CBFA2T2: variants seen among roughly 807,000 people sequenced by gnomAD.
CBFA2T2 encodes protein CBFA2T2.
A neutral mutation model predicts 62.2 loss-of-function variants in CBFA2T2; 11 were observed. That is an observed-to-expected ratio of 0.18 (90% CI 0.11 to 0.29). The LOEUF (loss-of-function observed/expected upper bound fraction) is 0.29, where lower values mean the gene tolerates loss of function less well. CBFA2T2 is among the 10% of genes least tolerant of loss of function. CBFA2T2 has a pLI of 1.00. For synonymous variants in CBFA2T2, 295 were observed against 287.5 expected (o/e 1.03, Z -0.27); for missense variants, 592 against 774.1 (o/e 0.76, Z 2.79).
At chr20:33,494,262 TATA>T (rs2011173733) in intron 1 of CBFA2T2, among the ~76,000 whole-genome samples, 6 of 77,908 alleles carry the variant, frequency 7.7e-5, no homozygotes, top group African/African-American at 2.8e-4. Context: ...TATATATATA[TATA>T]TATATATATT....
At chr20:33,543,170 T>G (rs899924108) in intron 1 of CBFA2T2, among the ~76,000 whole-genome samples, 3 of 152,170 alleles carry the variant, frequency 2.0e-5, no homozygotes, top group Admixed American at 1.3e-4. Flanking sequence ...CATGCCACCA[T>G]GCCCGGCTAA....
intron 1 of CBFA2T2, among the ~76,000 whole-genome samples, chr20:33,518,243 T>A (rs1468581878): frequency 6.6e-6 from 1 of 152,138 alleles, no homozygotes; most frequent in African/African-American, 2.4e-5. Context: ...CACTGCATCC[T>A]GCCTACATTT....
chr20:33,586,793 T>C (rs2014389416), intron 1 of CBFA2T2, among the ~76,000 whole-genome samples: 1 of 152,176 alleles, frequency 6.6e-6, no homozygotes, highest in South Asian at 2.1e-4. Context: ...TCTCTTTTCC[T>C]TGAAGGTTCA....
chr20:33,630,795 T>C (rs1008119682), intron 8 of CBFA2T2, among the ~76,000 whole-genome samples: 2 of 152,168 alleles, frequency 1.3e-5, no homozygotes, highest in African/African-American at 2.4e-5. Flanking sequence ...TATGTTCCAT[T>C]GAAGGCAGCT....
At position 33,648,880 on chromosome 20, in the gene CBFA2T2, G is replaced by A. The variant is rs2017145254; in HGVS notation, c.*4234G>A. 2 of 152,164 alleles carry A rather than the reference G, an allele frequency of 1.3e-5. No homozygotes were observed. Among genetic ancestry groups the A allele is most frequent in the East Asian group, 1.9e-4 (1 of 5,166 alleles). The allele number at this position is 152,164 out of a possible 1,614,324, so 9.4% of individuals were successfully genotyped here. ...TTTGTACAGCCCTGTCCCAGAGTTA[G>A]TAAGCCTCGGCTTGTCACCTGCTTG... is the stretch of plus-strand genomic sequence containing the variant. On this transcript the variant is annotated 3_prime_UTR_variant, in exon 11 of 11. Coordinates refer to ENST00000342704, the MANE Select transcript of CBFA2T2 (RefSeq NM_001032999.3).
chr20:33,544,945 C>CAGAACAGAATAGAAT (rs1215816057), intron 1 of CBFA2T2, among the ~76,000 whole-genome samples: 76 of 130,978 alleles, frequency 5.8e-4, no homozygotes, highest in African/African-American at 2.2e-3. Context: ...TAGAATAGAA[C>CAGAACAGAATAGAAT]AGAATAGAAT....
At chr20:33,519,253 T>C (rs1296833302) in intron 1 of CBFA2T2, among the ~76,000 whole-genome samples, 10 of 152,124 alleles carry the variant, frequency 6.6e-5, no homozygotes, top group African/African-American at 2.4e-4. Flanking sequence ...GCAGATCACC[T>C]GAGATCAGGA....
intron 1 of CBFA2T2, among the ~76,000 whole-genome samples, chr20:33,501,061 C>T (rs1188123613): frequency 1.3e-5 from 2 of 152,050 alleles, no homozygotes; most frequent in African/African-American, 4.8e-5. Flanking sequence ...TTGATTTTAC[C>T]CTTCTATTTT....
chr20:33,564,881 AAGG>A (rs2013238977), intron 1 of CBFA2T2, among the ~76,000 whole-genome samples: 1 of 151,798 alleles, frequency 6.6e-6, no homozygotes, highest in Admixed American at 6.6e-5. Flanking sequence ...CGCTGACTTG[AAGG>A]AGACTTTTAA....
intron 1 of CBFA2T2, among the ~76,000 whole-genome samples, chr20:33,589,152 G>A (rs2014505479): frequency 6.6e-6 from 1 of 152,174 alleles, no homozygotes; most frequent in Admixed American, 6.5e-5. Flanking sequence ...CATAAAAGTG[G>A]TGAAGAACAG....
rs2122393114 is a variant in CBFA2T2, at chr20:33,641,319, G to T, written c.1488+788G>T. Reference sequence around the variant, plus strand: ...GCTGGTTTGTGGACTGAAGTAACAGGTTGGGTGTATCTGCCTGATTGTCCA... The same window carrying T: ...GCTGGTTTGTGGACTGAAGTAACAGTTTGGGTGTATCTGCCTGATTGTCCA... On this transcript the variant is annotated intron_variant, in intron 10 of 10. Transcript: ENST00000342704. Among the ~76,000 whole-genome samples, 5 of 152,288 alleles carry T rather than the reference G, an allele frequency of 3.3e-5. No homozygotes were observed. The South Asian group carries it at 1.0e-3, about 32-fold the overall frequency.
chr20:33,638,309 T>C (rs916821810), intron 9 of CBFA2T2, among the ~76,000 whole-genome samples: 2 of 151,752 alleles, frequency 1.3e-5, no homozygotes, highest in Non-Finnish European at 1.5e-5. Flanking sequence ...AACTAGTGAG[T>C]TTGATTATTT....
At chr20:33,547,295 G>T (rs2012602719) in intron 1 of CBFA2T2, among the ~76,000 whole-genome samples, 1 of 152,208 alleles carries the variant, frequency 6.6e-6, no homozygotes, top group South Asian at 2.1e-4. Flanking sequence ...CTTTGAAGCT[G>T]AGTCGGGAGG....
chr20:33,490,533 T>G (rs2011138962), intron 1 of CBFA2T2, among the ~76,000 whole-genome samples: 1 of 151,916 alleles, frequency 6.6e-6, no homozygotes, highest in Admixed American at 6.6e-5. Context: ...TGAGGGAAAT[T>G]GTGGGGCCCG....
At chr20:33,582,263 T>G (rs539965462) in intron 1 of CBFA2T2, among the ~76,000 whole-genome samples, 1 of 133,200 alleles carries the variant, frequency 7.5e-6, no homozygotes, top group East Asian at 2.4e-4. Flanking sequence ...GAGGCTGAGG[T>G]GGGTGGATCG....
intron 1 of CBFA2T2, among the ~76,000 whole-genome samples, chr20:33,505,442 T>C (rs2011385347): frequency 6.6e-6 from 1 of 152,192 alleles, no homozygotes; most frequent in Non-Finnish European, 1.5e-5. Context: ...GTGGTTTCCA[T>C]AGTTGTTTAT....
intron 1 of CBFA2T2, among the ~76,000 whole-genome samples, chr20:33,518,696 C>T (rs992571927): frequency 6.6e-6 from 1 of 151,250 alleles, no homozygotes. Flanking sequence ...CTCTTGAACC[C>T]GAGTGGCAGA....
At chr20:33,590,452 G>C (rs2014570326) in intron 1 of CBFA2T2, among the ~76,000 whole-genome samples, 1 of 151,984 alleles carries the variant, frequency 6.6e-6, no homozygotes. Flanking sequence ...CCCCACAAAG[G>C]CTATGCGCAT....
intron 1 of CBFA2T2, among the ~76,000 whole-genome samples, chr20:33,497,261 G>A (rs4911126): frequency 0.028 from 2,446 of 88,380 alleles, 178 homozygotes; most frequent in Admixed American, 0.25. Context: ...TGACAAGAGC[G>A]AAACCCTGTC....
Sources: gnomAD v4.1 joint callset for allele counts (sites outside exome capture counted in the v4.1 genomes callset) on GRCh38, gnomAD v4.1.1 for gene constraint, MANE v1.5 for transcripts, NCBI Gene and HGNC (gene_info 2026-07-23, HGNC 2026-07-21) for gene names.